RERE: variants seen among roughly 807,000 people sequenced by gnomAD.
RERE encodes the protein arginine-glutamic acid dipeptide repeats, also known as arginine-glutamic acid dipeptide repeats protein.
RERE carries 40 observed loss-of-function variants against 146.1 expected under a neutral mutation model. The observed-to-expected ratio is 0.27, with a 90% CI of 0.21 to 0.36. The LOEUF is 0.36. RERE is among the 10% of genes least tolerant of loss of function. The pLI is 1.00. For missense variants in RERE, 1,933 were observed against 2,138.7 expected (o/e 0.90, Z 1.90); for synonymous variants, 1,003 against 866.0 (o/e 1.16, Z -2.78).
chr1:8,732,153 A>G (rs573911790), intron 1 of RERE, among the ~76,000 whole-genome samples: 2 of 152,198 alleles, frequency 1.3e-5, no homozygotes, highest in African/African-American at 2.4e-5. Flanking sequence ...CGTGCCCCTA[A>G]GCATTTGTCC....
intron 2 of RERE, among the ~76,000 whole-genome samples, chr1:8,635,992 T>G (rs573945485): frequency 6.7e-6 from 1 of 149,226 alleles, no homozygotes; most frequent in Non-Finnish European, 1.5e-5. Flanking sequence ...TTTATTTTAT[T>G]TTATTTTATT....
chr1:8,664,106 C>T (rs1638517937), intron 1 of RERE, among the ~76,000 whole-genome samples: 1 of 152,214 alleles, frequency 6.6e-6, no homozygotes, highest in Admixed American at 6.5e-5. Context: ...ACCATGTCTA[C>T]CATGTCATAT....
At chr1:8,361,702 C>G (rs1186645359) in intron 17 of RERE, 61 bp downstream of exon 17, 4 of 1,473,970 alleles carry the variant, frequency 2.7e-6, no homozygotes, top group Non-Finnish European at 3.8e-6. Context: ...GGGAGAACCC[C>G]GGCTGGGGGC....
intron 2 of RERE, among the ~76,000 whole-genome samples, chr1:8,648,256 G>C (rs532281878): frequency 1.3e-5 from 2 of 152,136 alleles, no homozygotes; most frequent in South Asian, 2.1e-4. Context: ...TTTTGCGATG[G>C]GGTCTCACTC....
intron 12 of RERE, among the ~76,000 whole-genome samples, chr1:8,375,107 C>T (rs1157663552): frequency 1.5e-5 from 1 of 68,546 alleles, no homozygotes; most frequent in East Asian, 1.3e-3. Context: ...TGCCAAAGTA[C>T]GTGCTATCTC....
At chr1:8,735,419 C>A (rs1557511785) in intron 1 of RERE, among the ~76,000 whole-genome samples, 1 of 152,222 alleles carries the variant, frequency 6.6e-6, no homozygotes. Context: ...CATGCACACA[C>A]ATATATGTAC....
intron 3 of RERE, among the ~76,000 whole-genome samples, chr1:8,622,752 C>A (rs567160267): frequency 2.1e-5 from 3 of 139,576 alleles, no homozygotes; most frequent in African/African-American, 8.3e-5. Context: ...TAAGCAATAA[C>A]TTTTTAACAA....
intron 6 of RERE, among the ~76,000 whole-genome samples, chr1:8,552,903 C>T (rs558611989): frequency 4.7e-4 from 72 of 152,156 alleles, no homozygotes; most frequent in African/African-American, 1.7e-3. Context: ...CAAAACTGCA[C>T]CACTAGGCCA....
chr1:8,557,338 T>G lies in RERE; in HGVS notation c.628+80A>C, dbSNP rs1646019816. 1.9e-5 allele frequency: 18 copies of G among 964,400 alleles called. No homozygotes were observed. The South Asian group carries it at 2.3e-4, about 12-fold the overall frequency. 59.7% of individuals were successfully genotyped at this position (964,400 alleles called of 1,614,324 possible). Reference sequence around the variant, plus strand: ...AAAATCCATTTTTCAAAAAGTTATCTTCATTTAATGAAATGTCTTTAGAAA... The same window carrying G: ...AAAATCCATTTTTCAAAAAGTTATCGTCATTTAATGAAATGTCTTTAGAAA... On this transcript the variant is annotated intron_variant, in intron 5 of 22. Transcript: ENST00000400908.
intron 6 of RERE, among the ~76,000 whole-genome samples, chr1:8,555,380 T>C (rs892938284): frequency 2.0e-5 from 3 of 152,206 alleles, no homozygotes; most frequent in African/African-American, 7.2e-5. Flanking sequence ...ACAGATACCA[T>C]GTGAAACATC....
intron 4 of RERE, among the ~76,000 whole-genome samples, chr1:8,587,808 A>G (rs185724532): frequency 6.6e-6 from 1 of 152,262 alleles, no homozygotes; most frequent in East Asian, 1.9e-4. Context: ...AAGTTTTTCT[A>G]TTCTCCAGTC....
intron 12 of RERE, among the ~76,000 whole-genome samples, chr1:8,369,907 G>C (rs188710349): frequency 2.0e-5 from 3 of 151,722 alleles, no homozygotes; most frequent in African/African-American, 7.3e-5. Context: ...CTCCTGCCTC[G>C]GCCTCCCGAG....
intron 11 of RERE, among the ~76,000 whole-genome samples, chr1:8,441,892 G>C (rs1266618217): frequency 7.4e-6 from 1 of 135,420 alleles, no homozygotes; most frequent in Non-Finnish European, 1.7e-5. Context: ...CTATACTTAA[G>C]AGCTTTATTA....
At chr1:8,532,343 C>T (rs1307595106) in intron 7 of RERE, among the ~76,000 whole-genome samples, 1 of 147,166 alleles carries the variant, frequency 6.8e-6, no homozygotes, top group East Asian at 2.1e-4. Flanking sequence ...TAACAACTTT[C>T]TCTGTTCTCT....
At chr1:8,708,073 G>A (rs887327260) in intron 1 of RERE, among the ~76,000 whole-genome samples, 7 of 152,248 alleles carry the variant, frequency 4.6e-5, no homozygotes, top group Non-Finnish European at 8.8e-5. Flanking sequence ...AGGAACCCAC[G>A]GGGGCCTTGG....
At chr1:8,380,907 G>A in intron 12 of RERE, 1 of 456,728 alleles carries the variant, frequency 2.2e-6, no homozygotes, top group African/African-American at 2.0e-5. Flanking sequence ...GTCTGCCAGG[G>A]CTTGGGAGCC....
rs568370827 is a variant in RERE, at chr1:8,646,556, C to CAAAAAA, written c.325+9411_325+9416dup. 5.9e-3 allele frequency among the ~76,000 whole-genome samples: 848 copies of CAAAAAA among 144,248 alleles called. 5 individuals carry two copies. Among genetic ancestry groups the CAAAAAA allele is most frequent in the African/African-American group, 0.021 (812 of 39,220 alleles). The allele number at this position is 144,248 out of a possible 152,430, so 94.6% of individuals were successfully genotyped here. On this transcript the variant is annotated intron_variant, in intron 2 of 22. Coordinates refer to ENST00000400908, the MANE Select transcript of RERE (RefSeq NM_001042681.2). ...CGCCACTCAAAAAAAAACAAACAAA[C>CAAAAAA]AAAAAAAAAACAGGGTCATCATTGC...
chr1:8,743,712 A>G (rs1019657684), intron 1 of RERE, among the ~76,000 whole-genome samples: 3 of 152,140 alleles, frequency 2.0e-5, no homozygotes, highest in Non-Finnish European at 2.9e-5. Flanking sequence ...CTCTCTACCA[A>G]GACTGATCTT....
chr1:8,726,147 C>CTTTTCTTTTTTTTTTTTTTTTTTTTTT (rs1639960710), intron 1 of RERE, among the ~76,000 whole-genome samples: 6 of 69,408 alleles, frequency 8.6e-5, no homozygotes, highest in African/African-American at 3.3e-4. Context: ...TTTTTCTTTT[C>CTTTTCTTTTTTTTTTTTTTTTTTTTTT]TTTTTTTTTT....
Sources: allele counts gnomAD v4.1 joint callset (sites outside exome capture counted in the v4.1 genomes callset), GRCh38; gene constraint gnomAD v4.1.1; transcripts MANE v1.5; gene names NCBI Gene and HGNC (gene_info 2026-07-23, HGNC 2026-07-21).